The following PREX2 variants were observed in gnomAD, a reference collection of about 807,000 sequenced individuals.
The protein encoded by PREX2 is phosphatidylinositol 3,4,5-trisphosphate-dependent Rac exchanger 2 protein.
Under a neutral mutation model 203.2 loss-of-function variants are expected in PREX2, and 107 were observed. That is an observed-to-expected ratio of 0.53 (90% CI 0.45 to 0.62). The LOEUF (loss-of-function observed/expected upper bound fraction) is 0.62. PREX2 is among the 20% of genes least tolerant of loss of function. PREX2 has a pLI of 0.00. For missense variants in PREX2, 1,777 were observed against 1,955.9 expected (o/e 0.91, Z 1.72); for synonymous variants, 672 against 663.6 (o/e 1.01, Z -0.19).
Position 68,093,273 on chromosome 8 carries a change from C to T in PREX2, c.2251-332C>T, listed in dbSNP as rs1809939671. Among the ~76,000 whole-genome samples, 2 of 151,192 alleles carry T rather than the reference C, an allele frequency of 1.3e-5. 1 individual carries two copies. Among genetic ancestry groups the T allele is most frequent in the Admixed American group, 1.3e-4 (2 of 15,154 alleles). Reference sequence around the variant, plus strand: ...GGTATGGTAGTGCATGCCTGTAATGCCAGCTACTCAGTTGGTTGAGGCAGG... The same window carrying T: ...GGTATGGTAGTGCATGCCTGTAATGTCAGCTACTCAGTTGGTTGAGGCAGG... On this transcript the variant is annotated intron_variant, in intron 20 of 39. Coordinates refer to ENST00000288368, the MANE Select transcript of PREX2 (RefSeq NM_024870.4).
chr8:68,217,813 T>C, intron 38 of PREX2, 95 bp downstream of exon 38: 1 of 775,904 alleles, frequency 1.3e-6, no homozygotes, highest in Non-Finnish European at 1.9e-6. Flanking sequence ...GGTGCCTGGA[T>C]GTGATGGACA....
chr8:67,959,304 T>C (rs571065705), intron 1 of PREX2, among the ~76,000 whole-genome samples: 3 of 152,190 alleles, frequency 2.0e-5, no homozygotes, highest in East Asian at 1.9e-4. Flanking sequence ...TAGAATGTCA[T>C]TGGGGTTTTA....
intron 8 of PREX2, among the ~76,000 whole-genome samples, chr8:68,051,146 T>C (rs1016376286): frequency 2.6e-5 from 4 of 152,070 alleles, no homozygotes; most frequent in Admixed American, 2.0e-4. Flanking sequence ...CTCCCTGTTA[T>C]AGAGATGGCT....
At chr8:68,171,264 A>G (rs562040852) in intron 35 of PREX2, among the ~76,000 whole-genome samples, 2 of 152,316 alleles carry the variant, frequency 1.3e-5, no homozygotes, top group African/African-American at 4.8e-5. Context: ...CATTTTCTTT[A>G]AAGAAAGTTT....
chr8:68,045,016 A>T (rs928367691), intron 8 of PREX2, among the ~76,000 whole-genome samples: 1 of 152,104 alleles, frequency 6.6e-6, no homozygotes, highest in African/African-American at 2.4e-5. Flanking sequence ...GTTGTTTTTC[A>T]TATAGACAGG....
intron 30 of PREX2, among the ~76,000 whole-genome samples, chr8:68,125,469 A>G (rs1163142837): frequency 5.9e-5 from 9 of 152,100 alleles, no homozygotes; most frequent in Admixed American, 5.9e-4. Context: ...TTGCAGTGCT[A>G]TTCAAAAATT....
rs189209166 is a variant in PREX2, at chr8:67,964,702, G to A, written c.141+12167G>A. 2.7e-3 allele frequency among the ~76,000 whole-genome samples: 414 copies of A among 151,654 alleles called. 1 individual carries two copies. The highest frequency in any genetic ancestry group is 9.6e-3 in the African/African-American group (396 of 41,350). Reference sequence around the variant, plus strand: ...TGATTTTATGTAATTTTAAAATTTTGTGGAAGTTTCCAGAAAAAAAATTCC... The same window carrying A: ...TGATTTTATGTAATTTTAAAATTTTATGGAAGTTTCCAGAAAAAAAATTCC... On this transcript the variant is annotated intron_variant, in intron 1 of 39. Coordinates refer to ENST00000288368, the MANE Select transcript of PREX2 (RefSeq NM_024870.4).
At chr8:68,045,826 G>A (rs2129610925) in intron 8 of PREX2, among the ~76,000 whole-genome samples, 1 of 152,128 alleles carries the variant, frequency 6.6e-6, no homozygotes, top group Non-Finnish European at 1.5e-5. Context: ...GGACCTAGTC[G>A]GCTATCTTTC....
rs1321302648 is a variant in PREX2, at chr8:68,108,092, TTTTC to T, written c.2716-13_2716-10del. ...ACTGTGTGTTCAACTGCTTTTTATG[TTTTC>T]TTTAATTTGCAGTTTTCTCGTGTAC... On this transcript the variant is annotated splice_polypyrimidine_tract_variant and intron_variant, in intron 23 of 39. Coordinates refer to ENST00000288368, the MANE Select transcript of PREX2 (RefSeq NM_024870.4). The T allele has an allele frequency of 4.4e-6, 7 of 1,574,610 alleles. No individual in the cohort carries two copies. Among genetic ancestry groups the T allele is most frequent in the Non-Finnish European group, 6.1e-6 (7 of 1,152,560 alleles).
intron 1 of PREX2, among the ~76,000 whole-genome samples, chr8:67,990,705 G>A (rs902696727): frequency 6.6e-6 from 1 of 151,780 alleles, no homozygotes; most frequent in Admixed American, 6.6e-5. Context: ...TAGAGATAGG[G>A]TTTCACCAAA....
chr8:68,064,544 T>G (rs35774822), intron 11 of PREX2, among the ~76,000 whole-genome samples: 103,936 of 150,980 alleles, frequency 0.69, 35,848 homozygotes, highest in East Asian at 0.74. Flanking sequence ...AATTTGTTTT[T>G]TTTTTTTTTA....
chr8:68,091,192 C>T lies in PREX2; in HGVS notation c.2250+477C>T, dbSNP rs571610776. On this transcript the variant is annotated intron_variant, in intron 20 of 39. Transcript: ENST00000288368. ...TATTTATTTAGGTAACTGGATTTAG[C>T]TCTTAAAGGAAAATACCAAAATGTA... 2.0e-5 allele frequency among the ~76,000 whole-genome samples: 3 copies of T among 152,232 alleles called. No individual in the cohort carries two copies. The East Asian group carries it at 5.8e-4, about 29-fold the overall frequency.
intron 31 of PREX2, among the ~76,000 whole-genome samples, chr8:68,130,464 T>C (rs971874201): frequency 4.6e-5 from 7 of 152,218 alleles, no homozygotes; most frequent in Non-Finnish European, 7.3e-5. Context: ...TCCTTCTCCA[T>C]GAGCAATAAA....
At chr8:68,225,445 A>G (rs1402526497) in intron 39 of PREX2, among the ~76,000 whole-genome samples, 2 of 152,192 alleles carry the variant, frequency 1.3e-5, no homozygotes, top group Non-Finnish European at 2.9e-5. Flanking sequence ...GGGAAAAGCT[A>G]AATAATTTCT....
chr8:68,031,988 A>G (rs1317390887), intron 6 of PREX2, among the ~76,000 whole-genome samples: 4 of 152,198 alleles, frequency 2.6e-5, no homozygotes, highest in African/African-American at 9.6e-5. Flanking sequence ...ATTTTGTTTC[A>G]TCCTGGTGTA....
intron 37 of PREX2, among the ~76,000 whole-genome samples, chr8:68,205,199 C>T (rs1457980195): frequency 6.6e-6 from 1 of 152,140 alleles, no homozygotes; most frequent in Non-Finnish European, 1.5e-5. Context: ...TTTTGAATTG[C>T]AGTTGTTAGC....
chr8:67,991,534 C>T (rs1004622889), intron 1 of PREX2, among the ~76,000 whole-genome samples: 1 of 152,026 alleles, frequency 6.6e-6, no homozygotes, highest in Non-Finnish European at 1.5e-5. Context: ...GGAGAAGTGC[C>T]CAGCGAAGTG....
chr8:68,108,791 T>G (rs77827081), intron 24 of PREX2, among the ~76,000 whole-genome samples: 3,525 of 152,248 alleles, frequency 0.023, 115 homozygotes, highest in African/African-American at 0.072. Context: ...AGCATTTTAT[T>G]TTATGGAATC....
intron 23 of PREX2, chr8:68,101,269 C>T: frequency 2.0e-6 from 1 of 489,760 alleles, no homozygotes; most frequent in Non-Finnish European, 4.1e-6. Flanking sequence ...ACCCAAGGGA[C>T]TCACAACATT....
Sources: gnomAD v4.1 joint callset for allele counts (sites outside exome capture counted in the v4.1 genomes callset) on GRCh38, gnomAD v4.1.1 for gene constraint, MANE v1.5 for transcripts, NCBI Gene and HGNC (gene_info 2026-07-23, HGNC 2026-07-21) for gene names.